Variants in SNX6 observed in about 807,000 individuals in gnomAD.
SNX6 encodes sorting nexin-6.
A neutral mutation model predicts 63.0 loss-of-function variants in SNX6; 34 were observed. The ratio of observed to expected loss-of-function variants is 0.54; its 90% CI spans 0.41 to 0.72. The LOEUF (loss-of-function observed/expected upper bound fraction) is 0.72. Ranked by LOEUF, SNX6 falls within the 30% of genes least tolerant of loss-of-function variation. SNX6 has a pLI of 0.00. For synonymous variants in SNX6, 170 were observed against 164.2 expected, an observed-to-expected ratio of 1.04 and a Z score of -0.27; for missense variants, 398 against 471.4, an observed-to-expected ratio of 0.84 and a Z score of 1.44.
chr14:34,589,816 A>C (rs1398301664), intron 8 of SNX6, among the ~76,000 whole-genome samples: 2 of 149,626 alleles, frequency 1.3e-5, no homozygotes, highest in Non-Finnish European at 3.0e-5. Flanking sequence ...ACAGAGAGAG[A>C]CTCTGTCTAG....
At chr14:34,593,840 A>G (rs182345895) in intron 7 of SNX6, among the ~76,000 whole-genome samples, 257 of 150,872 alleles carry the variant, frequency 1.7e-3, no homozygotes, top group Admixed American at 5.7e-3. Context: ...GGCCTCCCAA[A>G]GTGCTGGAAT....
chr14:34,606,134 G>A (rs947040562), intron 4 of SNX6, among the ~76,000 whole-genome samples: 3 of 151,080 alleles, frequency 2.0e-5, no homozygotes, highest in South Asian at 2.1e-4. Flanking sequence ...AAATCGCACC[G>A]CTGCACTCCA....
intron 2 of SNX6, among the ~76,000 whole-genome samples, chr14:34,615,644 C>T (rs1246462047): frequency 2.6e-5 from 4 of 152,052 alleles, no homozygotes; most frequent in African/African-American, 7.2e-5. Flanking sequence ...GACAGAGTCT[C>T]GCTGTGTTGC....
Position 34,593,127 on chromosome 14 carries a change from G to T in SNX6, c.636C>A (p.His212Gln). ...GVKDVDDFFE[H>Q]ERTFLLEYHN... ...GATACTCCAAAAGAAATGTTCGTTC[G>T]TGCTCAAAGAAATCATCTACATCCT... is the stretch of plus-strand genomic sequence containing the variant. The change falls in exon 8 of 14, where the codon CAC (histidine) becomes CAA (glutamine). Residue 212 changes from histidine (H) to glutamine (Q), a missense_variant. Coordinates refer to ENST00000362031, the MANE Select transcript of SNX6 (RefSeq NM_152233.4). 1 of 1,604,250 alleles carries T rather than the reference G, an allele frequency of 6.2e-7. No homozygotes were observed. The highest frequency in any genetic ancestry group is 8.5e-7 in the Non-Finnish European group (1 of 1,176,658).
At chr14:34,618,936 G>A (rs1468288646) in intron 2 of SNX6, among the ~76,000 whole-genome samples, 5 of 152,110 alleles carry the variant, frequency 3.3e-5, no homozygotes, top group Admixed American at 1.3e-4. Context: ...CTTCATGACT[G>A]TAATTCAGCT....
intron 11 of SNX6, chr14:34,569,212 C>G: frequency 1.6e-6 from 1 of 624,730 alleles, no homozygotes; most frequent in South Asian, 1.8e-5. Context: ...GTCCATGTAC[C>G]ACATAACTCA....
At position 34,588,384 on chromosome 14, in the gene SNX6, A is replaced by C. The variant is rs530891627; in HGVS notation, c.719-2079T>G. Among the ~76,000 whole-genome samples the C allele has an allele frequency of 5.3e-5, 8 of 152,040 alleles. No homozygotes were observed. The East Asian group carries it at 1.6e-3, about 30-fold the overall frequency. ...TGTGATCCCCTTGCCTCAGCATCCC[A>C]AAATGCTGGGATTACAGGCATGAGC... On this transcript the variant is annotated intron_variant, in intron 8 of 13. Transcript: ENST00000362031.
At chr14:34,570,717 G>A (rs1374599993) in intron 11 of SNX6, among the ~76,000 whole-genome samples, 1 of 122,728 alleles carries the variant, frequency 8.1e-6, no homozygotes, top group African/African-American at 2.7e-5. Context: ...CACCGCACCT[G>A]GCCTTCTCTT....
intron 2 of SNX6, 49 bp from the exon 3 acceptor site, chr14:34,609,791 T>A (rs780115067): frequency 7.8e-7 from 1 of 1,285,510 alleles, no homozygotes; most frequent in Non-Finnish European, 1.1e-6. Flanking sequence ...TTTATATAAT[T>A]TCATTTTTTC....
At chr14:34,575,604 T>C (rs1881662258) in intron 11 of SNX6, 152 bp downstream of exon 11, 2 of 423,446 alleles carry the variant, frequency 4.7e-6, no homozygotes, top group South Asian at 2.9e-5. Flanking sequence ...TACACATATA[T>C]ACAATTTCTA....
intron 8 of SNX6, among the ~76,000 whole-genome samples, chr14:34,588,132 T>C (rs923905273): frequency 2.6e-5 from 4 of 151,396 alleles, no homozygotes; most frequent in Admixed American, 1.3e-4. Context: ...CTCAGCCTCT[T>C]GAGTAGCTGG....
chr14:34,629,893 A>T lies in SNX6; in HGVS notation c.54+14T>A. ...GGTCCAGGGTCCCGCGAGCGAAAGG[A>T]AGGCAGAACTTACTCCGCGGTCCTC... On this transcript the variant is annotated intron_variant, in intron 2 of 13. Transcript: ENST00000362031. 6.4e-7 allele frequency: 1 copy of T among 1,555,518 alleles called. No individual in the cohort carries two copies. Among genetic ancestry groups the T allele is most frequent in the Non-Finnish European group, 8.7e-7 (1 of 1,150,062 alleles).
rs574226493 is a variant in SNX6, at chr14:34,581,237, T to C, written c.834+324A>G. On this transcript the variant is annotated intron_variant, in intron 10 of 13. Transcript: ENST00000362031. ...GGTGCAATCTTGGCTCACTACAACG[T>C]TGGCCTCCCGGGTTCAAGCGATTCT... 1.3e-5 allele frequency among the ~76,000 whole-genome samples: 2 copies of C among 152,328 alleles called. 1 individual carries two copies. The highest frequency in any genetic ancestry group is 4.1e-4 in the South Asian group (2 of 4,824).
intron 2 of SNX6, among the ~76,000 whole-genome samples, chr14:34,616,350 A>C (rs1456376564): frequency 6.6e-6 from 1 of 152,108 alleles, no homozygotes; most frequent in Non-Finnish European, 1.5e-5. Context: ...CTGCACCTTA[A>C]ATCTGATAAA....
chr14:34,593,016 T>C (rs1882458711), intron 8 of SNX6, 29 bp downstream of exon 8: 1 of 1,367,304 alleles, frequency 7.3e-7, no homozygotes, highest in Non-Finnish European at 1.0e-6. Flanking sequence ...CATTAAAAGA[T>C]ATAAGCTTTA....
rs183927943 is a variant in SNX6 at position 34,610,277 on chromosome 14, G to C, written c.55-535C>G. ...GGAGGCTGAGGCAGAAGGCTTGCTT[G>C]AGCCTAGGTCAAGGCTACAGTAAGC... On this transcript the variant is annotated intron_variant, in intron 2 of 13. Transcript: ENST00000362031. Among the ~76,000 whole-genome samples, 45 of 138,318 alleles carry C rather than the reference G, an allele frequency of 3.3e-4. 1 individual carries two copies. In the East Asian group the frequency reaches 4.2e-3, roughly 13 times the overall value. The allele number at this position is 138,318 out of a possible 152,430, so 90.7% of individuals were successfully genotyped here.
chr14:34,571,142 A>T (rs145573673), intron 11 of SNX6, among the ~76,000 whole-genome samples: 5 of 152,124 alleles, frequency 3.3e-5, no homozygotes, highest in Non-Finnish European at 7.4e-5. Context: ...CCATGAAAAG[A>T]CATAGAAGAG....
intron 11 of SNX6, among the ~76,000 whole-genome samples, chr14:34,574,949 T>C (rs111492603): frequency 0.035 from 5,289 of 151,866 alleles, 309 homozygotes; most frequent in African/African-American, 0.12. Flanking sequence ...TGCAGTGCAA[T>C]GGCGTGATAT....
chr14:34,585,291 G>A (rs181513629), intron 9 of SNX6, among the ~76,000 whole-genome samples: 138 of 152,152 alleles, frequency 9.1e-4, no homozygotes, highest in Non-Finnish European at 1.7e-3. Context: ...AGGCTGAGTC[G>A]GGCAGGCCAC....
Sources: allele counts gnomAD v4.1 joint callset (sites outside exome capture counted in the v4.1 genomes callset), GRCh38; gene constraint gnomAD v4.1.1; transcripts MANE v1.5; gene names NCBI Gene and HGNC (gene_info 2026-07-23, HGNC 2026-07-21).